Variants in CREBL2 observed in about 807,000 individuals in gnomAD.
CREBL2 encodes cAMP responsive element binding protein like 2.
Under a neutral mutation model 19.5 loss-of-function variants are expected in CREBL2, and 4 were observed. The observed-to-expected ratio is 0.20, with a 90% CI of 0.10 to 0.47. The LOEUF is 0.47. CREBL2 is among the 20% of genes least tolerant of loss of function. The probability of loss-of-function intolerance (pLI) is 0.98; values close to 1 mark genes in which losing one functional copy is unlikely to be tolerated. For missense variants in CREBL2, 85 were observed against 145.1 expected, an observed-to-expected ratio of 0.59 and a Z score of 2.13; for synonymous variants, 42 against 46.6, an observed-to-expected ratio of 0.90 and a Z score of 0.40.
At position 12,633,722 on chromosome 12, in the gene CREBL2, A is replaced by G. The variant is rs73065491; in HGVS notation, c.16-2055A>G. On this transcript the variant is annotated intron_variant, in intron 1 of 3. Coordinates refer to ENST00000228865, the MANE Select transcript of CREBL2 (RefSeq NM_001310.4). ...AAAGCTTGGTTTTCTTGACCTAACT[A>G]TTAGACTTAGTAATGATCTCATCTT... is the stretch of plus-strand genomic sequence containing the variant. 5.4e-3 allele frequency among the ~76,000 whole-genome samples: 829 copies of G among 152,324 alleles called. 2 individuals carry two copies. Among genetic ancestry groups the G allele is most frequent in the Non-Finnish European group, 9.3e-3 (635 of 68,038 alleles).
rs950479836 is a variant in CREBL2 at position 12,629,899 on chromosome 12, C to G, written c.16-5878C>G. On this transcript the variant is annotated intron_variant, in intron 1 of 3. Coordinates refer to ENST00000228865, the MANE Select transcript of CREBL2 (RefSeq NM_001310.4). ...TTTTGTCCTTTTTTTCCTGTTGATA[C>G]AGTGTATTATAGTAATTGATTTCTC... 7.2e-5 allele frequency among the ~76,000 whole-genome samples: 11 copies of G among 152,144 alleles called. 4 individuals carry two copies. Among genetic ancestry groups the G allele is most frequent in the Admixed American group, 7.2e-4 (11 of 15,290 alleles).
chr12:12,613,681 C>A (rs894352504), intron 1 of CREBL2, among the ~76,000 whole-genome samples: 1 of 152,116 alleles, frequency 6.6e-6, no homozygotes, highest in Non-Finnish European at 1.5e-5. Context: ...AGAAGGGGGG[C>A]GAGTTTCAGG....
chr12:12,625,149 G>A (rs921790604), intron 1 of CREBL2, among the ~76,000 whole-genome samples: 1 of 152,150 alleles, frequency 6.6e-6, no homozygotes, highest in African/African-American at 2.4e-5. Context: ...GGCAACATTC[G>A]AGTGGGAAAA....
At chr12:12,636,483 G>A (rs1258629691) in intron 2 of CREBL2, among the ~76,000 whole-genome samples, 4 of 152,020 alleles carry the variant, frequency 2.6e-5, no homozygotes, top group Non-Finnish European at 4.4e-5. Flanking sequence ...TGCAGGGCGC[G>A]ATCTCAGCTC....
chr12:12,620,787 T>C (rs77770579), intron 1 of CREBL2, among the ~76,000 whole-genome samples: 11 of 152,366 alleles, frequency 7.2e-5, no homozygotes, highest in East Asian at 3.9e-4. Context: ...GTGCTAGGCA[T>C]TGGAGTTGCA....
rs114219774 is a variant in CREBL2, at chr12:12,620,925, G to T, written c.15+8738G>T. 3.5e-3 allele frequency among the ~76,000 whole-genome samples: 532 copies of T among 152,310 alleles called. 2 individuals are homozygous for T. The highest frequency in any genetic ancestry group is 0.012 in the African/African-American group (490 of 41,566). On this transcript the variant is annotated intron_variant, in intron 1 of 3. Transcript: ENST00000228865. Reference sequence around the variant, plus strand: ...ATAGAGGCAAAGTTCTTTTGGGGCAGTAAGAGTGGGTGCTTAACTGTCGAG... The same window carrying T: ...ATAGAGGCAAAGTTCTTTTGGGGCATTAAGAGTGGGTGCTTAACTGTCGAG...
At chr12:12,640,779 C>A (rs187323951) in intron 3 of CREBL2, among the ~76,000 whole-genome samples, 1 of 152,172 alleles carries the variant, frequency 6.6e-6, no homozygotes, top group Non-Finnish European at 1.5e-5. Flanking sequence ...GGTTATAAAA[C>A]CTTTATCAGA....
intron 1 of CREBL2, among the ~76,000 whole-genome samples, chr12:12,625,616 A>G (rs1009749735): frequency 2.0e-5 from 3 of 152,196 alleles, no homozygotes; most frequent in Non-Finnish European, 4.4e-5. Context: ...ACAGGTTGCC[A>G]TGATACAAAT....
At position 12,612,199 on chromosome 12, in the gene CREBL2, G is replaced by A; in HGVS notation, c.15+12G>A. ...TGGATGACAGTAAGGTAAGTCTTGT[G>A]GTTTGCACGCGCCGCCGCCTTCTTG... On this transcript the variant is annotated intron_variant, in intron 1 of 3. Transcript: ENST00000228865. 1 of 1,613,582 alleles carries A rather than the reference G, an allele frequency of 6.2e-7. No homozygotes were observed. The highest frequency in any genetic ancestry group is 1.6e-4 in the Middle Eastern group (1 of 6,062).
At chr12:12,614,771 T>C in intron 1 of CREBL2, 2 of 354,480 alleles carry the variant, frequency 5.6e-6, no homozygotes, top group South Asian at 4.8e-5. Flanking sequence ...AATCTTTCCC[T>C]TTTTTGTTTA....
At chr12:12,624,471 C>T (rs757552591) in intron 1 of CREBL2, among the ~76,000 whole-genome samples, 5 of 152,178 alleles carry the variant, frequency 3.3e-5, no homozygotes, top group African/African-American at 4.8e-5. Flanking sequence ...GGACTCACAA[C>T]GGGTGCCTCA....
At chr12:12,613,278 G>A (rs1945282007) in intron 1 of CREBL2, among the ~76,000 whole-genome samples, 3 of 152,172 alleles carry the variant, frequency 2.0e-5, no homozygotes, top group Admixed American at 1.3e-4. Context: ...TTTGGATTTG[G>A]ACTTTTTTAT....
chr12:12,642,636 TAAC>T lies in CREBL2; in HGVS notation c.*641_*643del, dbSNP rs1334900588. Reference sequence around the variant, plus strand: ...TGCCTGTTTTAAATAACATACATATTAACAATATCTATCAGGAAAACCCTCAAG... The same window carrying T: ...TGCCTGTTTTAAATAACATACATATTAATATCTATCAGGAAAACCCTCAAG... On this transcript the variant is annotated 3_prime_UTR_variant, in exon 4 of 4. Coordinates refer to ENST00000228865, the MANE Select transcript of CREBL2 (RefSeq NM_001310.4). The T allele has an allele frequency of 3.9e-5, 6 of 152,296 alleles. No homozygotes were observed. The highest frequency in any genetic ancestry group is 5.9e-5 in the Non-Finnish European group (4 of 68,036). The allele number at this position is 152,296 out of a possible 1,614,324, so 9.4% of individuals were successfully genotyped here. A position where few individuals can be genotyped will look rare whatever the true frequency, so the allele number is the denominator to read the frequency against.
At chr12:12,625,270 T>C (rs1945393225) in intron 1 of CREBL2, among the ~76,000 whole-genome samples, 1 of 152,182 alleles carries the variant, frequency 6.6e-6, no homozygotes. Flanking sequence ...CCCCTGTCCC[T>C]CTCAGTAGGA....
At chr12:12,621,410 C>T (rs1019313610) in intron 1 of CREBL2, among the ~76,000 whole-genome samples, 1 of 150,494 alleles carries the variant, frequency 6.6e-6, no homozygotes, top group African/African-American at 2.4e-5. Flanking sequence ...CCCAGCTACT[C>T]GGGAGGCTGA....
At chr12:12,626,523 GCTCA>G (rs1445354848) in intron 1 of CREBL2, among the ~76,000 whole-genome samples, 4 of 151,968 alleles carry the variant, frequency 2.6e-5, no homozygotes, top group African/African-American at 9.7e-5. Context: ...GCTTTTTCAG[GCTCA>G]CTAGGCAACC....
rs1945543466 is a variant in CREBL2, at chr12:12,643,623, TC to T, written c.*1627del. The T allele has an allele frequency of 2.0e-5, 3 of 152,080 alleles. No homozygotes were observed. The allele number at this position is 152,080 out of a possible 1,614,324, so 9.4% of individuals were successfully genotyped here. On this transcript the variant is annotated 3_prime_UTR_variant, in exon 4 of 4. Transcript: ENST00000228865. ...ATAAAGTGCCTCCCTTAGCCTGAGC[TC>T]CTAAAGACCTCTTGTACTTGGTTGC...
At chr12:12,616,641 T>G (rs1157002511) in intron 1 of CREBL2, among the ~76,000 whole-genome samples, 7 of 152,230 alleles carry the variant, frequency 4.6e-5, no homozygotes, top group Non-Finnish European at 1.5e-5. Context: ...GAAACTGTCC[T>G]TATATAAGGC....
intron 1 of CREBL2, among the ~76,000 whole-genome samples, chr12:12,619,211 A>G (rs1269773373): frequency 1.3e-5 from 2 of 152,216 alleles, no homozygotes; most frequent in Non-Finnish European, 2.9e-5. Context: ...GGGGTGGGAC[A>G]TAAAATGAAC....
Sources: gnomAD v4.1 joint callset for allele counts (sites outside exome capture counted in the v4.1 genomes callset) on GRCh38, gnomAD v4.1.1 for gene constraint, MANE v1.5 for transcripts, NCBI Gene and HGNC (gene_info 2026-07-23, HGNC 2026-07-21) for gene names.